Variants in IL1RL2 observed in about 807,000 individuals in gnomAD.
IL1RL2 encodes interleukin-1 receptor-like 2.
IL1RL2 carries 68 observed loss-of-function variants against 66.8 expected under a neutral mutation model. That is an observed-to-expected ratio of 1.02 (90% confidence interval 0.84 to 1.25). IL1RL2 has a LOEUF of 1.25. Among genes scored for constraint, IL1RL2 ranks in the 50% most tolerant of loss-of-function variants. IL1RL2 has a pLI of 0.00. For synonymous variants in IL1RL2, 305 were observed against 264.6 expected (o/e 1.15, Z -1.48); for missense variants, 729 against 709.3 (o/e 1.03, Z -0.32).
At chr2:102,189,777 G>T (rs577648066) in intron 3 of IL1RL2, among the ~76,000 whole-genome samples, 1 of 152,186 alleles carries the variant, frequency 6.6e-6, no homozygotes, top group South Asian at 2.1e-4. Flanking sequence ...GGCTATATCC[G>T]AAGTAGCTGG....
chr2:102,235,933 G>T lies in IL1RL2; in HGVS notation c.1678+656G>T, dbSNP rs1674838001. 8.1e-6 allele frequency: 8 copies of T among 985,212 alleles called. No individual in the cohort carries two copies. In the South Asian group the frequency reaches 3.8e-4, roughly 46 times the overall value. The allele number at this position is 985,212 out of a possible 1,614,324, so 61.0% of individuals were successfully genotyped here. The stretch of plus-strand genomic sequence containing the variant: ...CTTGGTCACCCTTCCATGTTTGAGA[G>T]GCTTTATCTGTCAAACTAAAGCAAG... On this transcript the variant is annotated intron_variant, in intron 11 of 11. Coordinates refer to ENST00000264257, the MANE Select transcript of IL1RL2 (RefSeq NM_003854.4).
chr2:102,218,885 C>A (rs1689846320), intron 6 of IL1RL2, 68 bp from the exon 7 acceptor site: 2 of 1,395,444 alleles, frequency 1.4e-6, no homozygotes, highest in Admixed American at 1.8e-5. Context: ...CACTTGTAAT[C>A]CAGATGTTAA....
chr2:102,221,054 A>G (rs540115615), intron 8 of IL1RL2, among the ~76,000 whole-genome samples: 2 of 152,302 alleles, frequency 1.3e-5, no homozygotes, highest in Admixed American at 1.3e-4. Flanking sequence ...GTGAGTGAGC[A>G]CAGCACCCTC....
At chr2:102,205,036 G>T (rs1171019798) in intron 5 of IL1RL2, among the ~76,000 whole-genome samples, 1 of 151,580 alleles carries the variant, frequency 6.6e-6, no homozygotes, top group Non-Finnish European at 1.5e-5. Context: ...TTTCTGGTTT[G>T]AGGTTTCCAT....
rs770368821 is a variant in IL1RL2, at chr2:102,218,919, T to G, written c.725-34T>G. On this transcript the variant is annotated intron_variant, in intron 6 of 11. Coordinates refer to ENST00000264257, the MANE Select transcript of IL1RL2 (RefSeq NM_003854.4). ...AACAAATTTGAAAGTTTGTAGAATT[T>G]TCATTGAATATTGATGATATTGGTT... 31 of 1,588,482 alleles carry G rather than the reference T, an allele frequency of 2.0e-5. No homozygotes were observed. In the South Asian group the frequency reaches 3.2e-4, roughly 17 times the overall value.
At chr2:102,190,561 C>G (rs1298824470) in intron 3 of IL1RL2, among the ~76,000 whole-genome samples, 1 of 152,184 alleles carries the variant, frequency 6.6e-6, no homozygotes, top group African/African-American at 2.4e-5. Flanking sequence ...TGCTAGATTC[C>G]TCATTTCTAA....
intron 3 of IL1RL2, among the ~76,000 whole-genome samples, chr2:102,190,944 C>T (rs928547447): frequency 2.0e-5 from 3 of 152,114 alleles, no homozygotes; most frequent in Admixed American, 6.5e-5. Context: ...AGATAGGATA[C>T]GTGTTTAGGA....
intron 5 of IL1RL2, among the ~76,000 whole-genome samples, chr2:102,208,828 A>G (rs906860678): frequency 6.6e-5 from 10 of 152,350 alleles, no homozygotes; most frequent in African/African-American, 2.4e-4. Flanking sequence ...TTTCAATTTT[A>G]ATTGTTCATG....
chr2:102,240,961 G>C (rs901634958), downstream of IL1RL2, among the ~76,000 whole-genome samples: 1 of 152,252 alleles, frequency 6.6e-6, no homozygotes, highest in Non-Finnish European at 1.5e-5. Context: ...GCCTGAGCTC[G>C]GCAAACAAGG....
At chr2:102,227,402 C>A (rs1245060921) in intron 9 of IL1RL2, among the ~76,000 whole-genome samples, 1 of 152,196 alleles carries the variant, frequency 6.6e-6, no homozygotes, top group Non-Finnish European at 1.5e-5. Context: ...CGTGGCTATT[C>A]ACTAACTTGG....
At chr2:102,228,728 A>G (rs1288455211) in intron 9 of IL1RL2, among the ~76,000 whole-genome samples, 4 of 152,240 alleles carry the variant, frequency 2.6e-5, no homozygotes, top group Non-Finnish European at 4.4e-5. Flanking sequence ...GGTAGAGTTA[A>G]TGACACCTTT....
intron 5 of IL1RL2, among the ~76,000 whole-genome samples, chr2:102,206,285 G>A (rs1208171894): frequency 6.6e-6 from 1 of 152,070 alleles, no homozygotes; most frequent in Non-Finnish European, 1.5e-5. Flanking sequence ...ATGTTTTCCT[G>A]GATGGTGTTG....
intron 7 of IL1RL2, among the ~76,000 whole-genome samples, 170 bp from the exon 8 acceptor site, chr2:102,219,711 G>T (rs1273548330): frequency 1.3e-5 from 2 of 152,164 alleles, no homozygotes; most frequent in African/African-American, 2.4e-5. Flanking sequence ...ATGCAAATTT[G>T]GGAATATACA....
chr2:102,189,013 C>A (rs1036054841), intron 2 of IL1RL2, 63 bp from the exon 3 acceptor site: 3 of 1,236,582 alleles, frequency 2.4e-6, no homozygotes, highest in South Asian at 1.4e-5. Flanking sequence ...AAAAAACTAA[C>A]AGTAAATAAA....
intron 5 of IL1RL2, among the ~76,000 whole-genome samples, chr2:102,207,595 A>C (rs1324783300): frequency 2.0e-5 from 3 of 152,006 alleles, no homozygotes; most frequent in African/African-American, 7.3e-5. Flanking sequence ...GCTGTGGCTG[A>C]GCTGGCATCC....
Position 102,235,286 on chromosome 2 carries a change from G to A in IL1RL2, c.1678+9G>A. ...TTGCTACCGCACCGCAGGTGAGCGG[G>A]TGGGAGGACACGAGGTTTGTCACGC... is the stretch of plus-strand genomic sequence containing the variant. On this transcript the variant is annotated intron_variant, in intron 11 of 11. Coordinates refer to ENST00000264257, the MANE Select transcript of IL1RL2 (RefSeq NM_003854.4). 1.9e-6 allele frequency: 3 copies of A among 1,609,614 alleles called. No individual in the cohort carries two copies. The highest frequency in any genetic ancestry group is 2.5e-6 in the Non-Finnish European group (3 of 1,177,692).
At chr2:102,222,663 C>A (rs1471501289) in intron 8 of IL1RL2, among the ~76,000 whole-genome samples, 1 of 152,120 alleles carries the variant, frequency 6.6e-6, no homozygotes, top group African/African-American at 2.4e-5. Flanking sequence ...GAGACAAGTG[C>A]AGAAATGTGC....
At position 102,239,281 on chromosome 2, in the gene IL1RL2, T is replaced by C. The variant is rs1267956453; in HGVS notation, c.*40T>C. On this transcript the variant is annotated 3_prime_UTR_variant, in exon 12 of 12. Coordinates refer to ENST00000264257, the MANE Select transcript of IL1RL2 (RefSeq NM_003854.4). ...ACACCTATGGCTGGAAGATGACTTG[T>C]TTTGCTCCATGTCTCCTCATTCCTA... 2 of 1,586,270 alleles carry C rather than the reference T, an allele frequency of 1.3e-6. No homozygotes were observed. The highest frequency in any genetic ancestry group is 4.5e-5 in the East Asian group (2 of 44,734).
chr2:102,230,211 T>C (rs1167989865), intron 9 of IL1RL2, among the ~76,000 whole-genome samples: 1 of 152,072 alleles, frequency 6.6e-6, no homozygotes, highest in Non-Finnish European at 1.5e-5. Context: ...TTGAATTCCT[T>C]CTCCAAAAGT....
Sources: allele counts gnomAD v4.1 joint callset (sites outside exome capture counted in the v4.1 genomes callset), GRCh38; gene constraint gnomAD v4.1.1; transcripts MANE v1.5; gene names NCBI Gene and HGNC (gene_info 2026-07-23, HGNC 2026-07-21).